Variants in GSTCD observed in about 807,000 individuals in gnomAD.
GSTCD encodes glutathione S-transferase C-terminal domain containing.
Under a neutral mutation model 68.3 loss-of-function variants are expected in GSTCD, and 44 were observed. That is an observed-to-expected ratio of 0.64 (90% CI 0.51 to 0.83). GSTCD has a LOEUF of 0.83. Ranked by LOEUF, GSTCD falls within the 40% of genes least tolerant of loss-of-function variation. The pLI is 0.00. For missense variants in GSTCD, 739 were observed against 735.9 expected (o/e 1.00, Z -0.05); for synonymous variants, 273 against 255.2 (o/e 1.07, Z -0.67).
intron 3 of GSTCD, among the ~76,000 whole-genome samples, chr4:105,724,244 C>T (rs1276431443): frequency 6.6e-6 from 1 of 151,584 alleles, no homozygotes. Flanking sequence ...CTCAAAGAAG[C>T]AAGAACACTC....
intron 5 of GSTCD, among the ~76,000 whole-genome samples, chr4:105,786,132 C>G (rs2149252332): frequency 6.6e-6 from 1 of 152,248 alleles, no homozygotes; most frequent in South Asian, 2.1e-4. Flanking sequence ...ATTTGTGATA[C>G]TGGATTATAC....
chr4:105,768,773 T>C (rs1734718412), intron 5 of GSTCD, among the ~76,000 whole-genome samples: 1 of 151,638 alleles, frequency 6.6e-6, no homozygotes, highest in South Asian at 2.1e-4. Flanking sequence ...CTAGCTGTCA[T>C]AAGGTGTTAT....
intron 5 of GSTCD, among the ~76,000 whole-genome samples, chr4:105,751,425 C>T (rs1423244330): frequency 6.6e-6 from 1 of 152,100 alleles, no homozygotes; most frequent in East Asian, 1.9e-4. Flanking sequence ...GCTGCAAAGA[C>T]ATCTGAATAT....
intron 5 of GSTCD, among the ~76,000 whole-genome samples, chr4:105,769,271 A>C (rs928436726): frequency 7.1e-5 from 9 of 126,692 alleles, no homozygotes; most frequent in African/African-American, 2.6e-4. Context: ...ACACACACAC[A>C]CACCACTTTT....
intron 5 of GSTCD, among the ~76,000 whole-genome samples, chr4:105,741,180 C>T (rs1733618869): frequency 2.0e-5 from 3 of 151,898 alleles, no homozygotes; most frequent in South Asian, 4.2e-4. Flanking sequence ...TTGCCTGTAT[C>T]TCACGGGTCA....
intron 8 of GSTCD, among the ~76,000 whole-genome samples, chr4:105,832,166 G>C (rs1219594904): frequency 6.6e-6 from 1 of 151,948 alleles, no homozygotes; most frequent in Non-Finnish European, 1.5e-5. Context: ...TGGCTGTCTG[G>C]TTAACCAAAC....
chr4:105,783,461 G>A (rs1167270088), intron 5 of GSTCD, among the ~76,000 whole-genome samples: 1 of 152,002 alleles, frequency 6.6e-6, no homozygotes, highest in South Asian at 2.1e-4. Context: ...TAAATTTACA[G>A]AAAATTACAA....
intron 10 of GSTCD, among the ~76,000 whole-genome samples, chr4:105,841,807 C>T (rs542659668): frequency 2.0e-5 from 3 of 152,006 alleles, no homozygotes; most frequent in Admixed American, 6.5e-5. Flanking sequence ...GCCAAGATTG[C>T]GCCACTGCAC....
At chr4:105,733,374 G>GT (rs1733327633) in intron 5 of GSTCD, among the ~76,000 whole-genome samples, 1 of 152,188 alleles carries the variant, frequency 6.6e-6, no homozygotes, top group African/African-American at 2.4e-5. Context: ...GGGTGTTCCT[G>GT]TATTGGGTGC....
At chr4:105,769,768 A>G (rs1734769662) in intron 5 of GSTCD, among the ~76,000 whole-genome samples, 1 of 151,678 alleles carries the variant, frequency 6.6e-6, no homozygotes, top group African/African-American at 2.4e-5. Flanking sequence ...TATTTTATTT[A>G]TTTTTGAGAC....
At chr4:105,768,112 T>C (rs1207399391) in intron 5 of GSTCD, among the ~76,000 whole-genome samples, 2 of 151,856 alleles carry the variant, frequency 1.3e-5, no homozygotes, top group South Asian at 2.1e-4. Context: ...CTCGGCTCAC[T>C]GCAAGCTCCA....
Position 105,825,761 on chromosome 4 carries a change from A to G in GSTCD, c.1491A>G (p.Gln497=). 6.5e-7 allele frequency: 1 copy of G among 1,548,962 alleles called. No homozygotes were observed. Among genetic ancestry groups the G allele is most frequent in the South Asian group, 1.1e-5 (1 of 89,000 alleles). Reference sequence around the variant, plus strand: ...GTTTAAGCAACATTTGGTTCATTCAAGCAAATATGGAATATTTTACTGGGA... The same window carrying G: ...GTTTAAGCAACATTTGGTTCATTCAGGCAAATATGGAATATTTTACTGGGA... ...ELGLSNIWFI[Q]ANMEYFTGMF... Residue 497 remains glutamine, a synonymous_variant, in exon 8 of 12, where the codon CAA becomes CAG. Coordinates refer to ENST00000515279, the MANE Select transcript of GSTCD (RefSeq NM_001370181.1).
At chr4:105,800,198 C>G (rs2149261219) in intron 5 of GSTCD, among the ~76,000 whole-genome samples, 1 of 152,194 alleles carries the variant, frequency 6.6e-6, no homozygotes, top group East Asian at 1.9e-4. Flanking sequence ...TGGTGGAAGG[C>G]AAGGAGAGCA....
intron 1 of GSTCD, among the ~76,000 whole-genome samples, chr4:105,712,159 C>T (rs1041383451): frequency 1.3e-5 from 2 of 152,136 alleles, no homozygotes; most frequent in Non-Finnish European, 2.9e-5. Context: ...TCATTAAGCA[C>T]TGGAGATGTT....
chr4:105,830,984 T>C (rs918808041), intron 8 of GSTCD, among the ~76,000 whole-genome samples: 1 of 152,214 alleles, frequency 6.6e-6, no homozygotes, highest in African/African-American at 2.4e-5. Flanking sequence ...GTTCATCATA[T>C]AGAAAAACAG....
chr4:105,751,010 T>A (rs1394527253), intron 5 of GSTCD, among the ~76,000 whole-genome samples: 1 of 152,144 alleles, frequency 6.6e-6, no homozygotes, highest in Non-Finnish European at 1.5e-5. Flanking sequence ...GTGTCCCTTG[T>A]GGAGAGGGGT....
chr4:105,724,405 A>AT (rs1171231937), intron 3 of GSTCD, among the ~76,000 whole-genome samples: 3 of 151,756 alleles, frequency 2.0e-5, no homozygotes. Context: ...GTGCTGCTTT[A>AT]TAAAAAAAAA....
intron 5 of GSTCD, among the ~76,000 whole-genome samples, chr4:105,749,401 A>T (rs10017111): frequency 0.82 from 124,932 of 151,696 alleles, 51,784 homozygotes; most frequent in East Asian, 0.96. Flanking sequence ...GGAAAAAAAA[A>T]TTTGAAAAAG....
intron 5 of GSTCD, among the ~76,000 whole-genome samples, chr4:105,770,981 C>G (rs1183791183): frequency 6.6e-6 from 1 of 152,152 alleles, no homozygotes; most frequent in African/African-American, 2.4e-5. Flanking sequence ...AATTTATACT[C>G]CCATCAATAG....
Sources: allele counts gnomAD v4.1 joint callset (sites outside exome capture counted in the v4.1 genomes callset), GRCh38; gene constraint gnomAD v4.1.1; transcripts MANE v1.5; gene names NCBI Gene and HGNC (gene_info 2026-07-23, HGNC 2026-07-21).